Variants in LINGO2 observed in about 807,000 individuals in gnomAD.
LINGO2 encodes leucine-rich repeat and immunoglobulin-like domain-containing nogo receptor-interacting protein 2.
LINGO2 carries 14 observed loss-of-function variants against 30.6 expected under a neutral mutation model. That is an observed-to-expected ratio of 0.46 (90% CI 0.30 to 0.72). The LOEUF (loss-of-function observed/expected upper bound fraction) is 0.72. Ranked by LOEUF, LINGO2 falls within the 30% of genes least tolerant of loss-of-function variation. The pLI, the probability that LINGO2 is intolerant of heterozygous loss-of-function variation, is 0.07. For missense variants in LINGO2, 729 were observed against 751.7 expected, an observed-to-expected ratio of 0.97 and a Z score of 0.35; for synonymous variants, 317 against 288.5, an observed-to-expected ratio of 1.10 and a Z score of -1.00.
chr9:28,730,050 A>T, the LINGO2 span, among the ~76,000 whole-genome samples: 2 of 152,196 alleles, frequency 1.3e-5, no homozygotes, highest in Non-Finnish European at 2.9e-5. Context: ...AAATAATTTT[A>T]ACTTGGATTT....
the LINGO2 span, among the ~76,000 whole-genome samples, chr9:28,797,351 TATATATATAG>T: frequency 0.017 from 1,084 of 62,362 alleles, 8 homozygotes; most frequent in Middle Eastern, 0.046. Context: ...TATATATATA[TATATATATAG>T]AGAGAGAGAG....
intron 4 of LINGO2, among the ~76,000 whole-genome samples, chr9:28,037,439 T>C (rs1823990695): frequency 6.6e-6 from 1 of 152,104 alleles, no homozygotes. Context: ...TGCTATTCAT[T>C]CTTCAACTCT....
chr9:28,292,756 G>A (rs772725162), intron 4 of LINGO2, among the ~76,000 whole-genome samples: 3 of 149,870 alleles, frequency 2.0e-5, no homozygotes, highest in Non-Finnish European at 4.4e-5. Context: ...GAGCCACCAC[G>A]CCTGGCCCTG....
chr9:27,986,906 A>T (rs1163489421), intron 5 of LINGO2, among the ~76,000 whole-genome samples: 1 of 151,816 alleles, frequency 6.6e-6, no homozygotes, highest in East Asian at 2.0e-4. Flanking sequence ...AGCATAAAAG[A>T]GGGCTGGCTC....
chr9:29,101,979 C>A, the LINGO2 span, among the ~76,000 whole-genome samples: 1 of 152,242 alleles, frequency 6.6e-6, no homozygotes, highest in East Asian at 1.9e-4. Flanking sequence ...TTTGGTTAAA[C>A]CAGCTTCCAT....
intron 4 of LINGO2, among the ~76,000 whole-genome samples, chr9:28,149,422 CA>C (rs2133543658): frequency 6.6e-6 from 1 of 151,042 alleles, no homozygotes; most frequent in South Asian, 2.1e-4. Context: ...CACCTCTGCC[CA>C]GCTGCCCCAC....
At chr9:28,504,533 T>C (rs1428943273) in intron 1 of LINGO2, among the ~76,000 whole-genome samples, 1 of 151,858 alleles carries the variant, frequency 6.6e-6, no homozygotes, top group Non-Finnish European at 1.5e-5. Context: ...AATTCTAACA[T>C]GATTGTTTAA....
chr9:28,779,878 A>C, the LINGO2 span, among the ~76,000 whole-genome samples: 1 of 152,012 alleles, frequency 6.6e-6, no homozygotes, highest in Non-Finnish European at 1.5e-5. Flanking sequence ...TTTCACCTCT[A>C]TCTCTCTCCC....
the LINGO2 span, among the ~76,000 whole-genome samples, chr9:28,944,613 C>T: frequency 6.6e-6 from 1 of 151,950 alleles, no homozygotes; most frequent in African/African-American, 2.4e-5. Flanking sequence ...ACCATGTTGG[C>T]CAGGCTGGTC....
At chr9:28,180,769 G>GT (rs1335027891) in intron 4 of LINGO2, among the ~76,000 whole-genome samples, 1 of 152,028 alleles carries the variant, frequency 6.6e-6, no homozygotes, top group African/African-American at 2.4e-5. Context: ...CCTCTCCCAA[G>GT]TAAGAGAACC....
the LINGO2 span, among the ~76,000 whole-genome samples, chr9:28,912,879 C>T: frequency 1.3e-5 from 2 of 152,100 alleles, no homozygotes; most frequent in Admixed American, 1.3e-4. Flanking sequence ...CACCTCCTGG[C>T]CTTCTTGAGA....
intron 4 of LINGO2, among the ~76,000 whole-genome samples, chr9:28,215,244 T>C (rs1820723868): frequency 1.3e-5 from 2 of 151,812 alleles, no homozygotes; most frequent in East Asian, 1.9e-4. Flanking sequence ...TCCCATTTCA[T>C]ATAGAAAAAT....
rs574045074 is a variant in LINGO2, at chr9:28,662,817, A to G, written c.-365+7383T>C. ...ATTGAAACAAAAACAATGTTCACCT[A>G]TTTCCAAAGAGATCCATCACCATTT... On this transcript the variant is annotated intron_variant, in intron 1 of 5. Transcript: ENST00000379992. 3.3e-5 allele frequency among the ~76,000 whole-genome samples: 5 copies of G among 152,310 alleles called. No homozygotes were observed. In the South Asian group the frequency reaches 1.0e-3, roughly 32 times the overall value.
rs538407277 is a variant in LINGO2 at position 28,592,796 on chromosome 9, T to C, written c.-365+77404A>G. ...GAGAAACATAGCTTGTTTTTTTCAA[T>C]AGGGTACACTTTCCAAAAAGATGAA... is the stretch of plus-strand genomic sequence containing the variant. On this transcript the variant is annotated intron_variant, in intron 1 of 5. Coordinates refer to ENST00000379992, the Ensembl canonical transcript of LINGO2. Among the ~76,000 whole-genome samples, 10 of 152,014 alleles carry C rather than the reference T, an allele frequency of 6.6e-5. No individual in the cohort carries two copies. The South Asian group carries it at 1.7e-3, about 25-fold the overall frequency.
At chr9:28,923,929 T>C in the LINGO2 span, among the ~76,000 whole-genome samples, 2 of 151,664 alleles carry the variant, frequency 1.3e-5, no homozygotes, top group Non-Finnish European at 2.9e-5. Flanking sequence ...AGGGATCTGA[T>C]TTGGGGGAAA....
chr9:29,092,086 A>C, the LINGO2 span, among the ~76,000 whole-genome samples: 1 of 152,060 alleles, frequency 6.6e-6, no homozygotes, highest in African/African-American at 2.4e-5. Context: ...TACATATTAC[A>C]TTCCAGCCAC....
the LINGO2 span, among the ~76,000 whole-genome samples, chr9:28,866,968 T>C: frequency 6.6e-6 from 1 of 152,116 alleles, no homozygotes; most frequent in South Asian, 2.1e-4. Flanking sequence ...GTATCTTACA[T>C]TTTTCAACCC....
intron 3 of LINGO2, among the ~76,000 whole-genome samples, chr9:28,327,040 G>A (rs1044599229): frequency 6.6e-6 from 1 of 152,108 alleles, no homozygotes; most frequent in Admixed American, 6.5e-5. Flanking sequence ...CATTTGGGAA[G>A]TGATTAGGTC....
intron 4 of LINGO2, among the ~76,000 whole-genome samples, chr9:28,194,477 C>T (rs978121063): frequency 1.3e-5 from 2 of 149,562 alleles, no homozygotes; most frequent in Non-Finnish European, 3.0e-5. Flanking sequence ...ATTTGAAGAG[C>T]AGTCTGACTC....
Sources: gnomAD v4.1 joint callset for allele counts (sites outside exome capture counted in the v4.1 genomes callset) on GRCh38, gnomAD v4.1.1 for gene constraint, MANE v1.5 for transcripts, NCBI Gene and HGNC (gene_info 2026-07-23, HGNC 2026-07-21) for gene names.